The following DEAF1 variants were observed in gnomAD, a reference collection of about 807,000 sequenced individuals.
The protein encoded by DEAF1 is deformed epidermal autoregulatory factor 1 homolog.
A neutral mutation model predicts 58.9 loss-of-function variants in DEAF1; 53 were observed. That is an observed-to-expected ratio of 0.90 (90% CI 0.72 to 1.13). The LOEUF is 1.13. Among genes scored for constraint, DEAF1 ranks in the 50% most tolerant of loss-of-function variants. The probability of loss-of-function intolerance (pLI) is 0.00; values close to 1 mark genes in which losing one functional copy is unlikely to be tolerated. For synonymous variants in DEAF1, 385 were observed against 340.4 expected (o/e 1.13, Z -1.44); for missense variants, 685 against 791.4 (o/e 0.87, Z 1.61).
Position 644,738 on chromosome 11 carries a change from G to GC in DEAF1, c.1594-85_1594-84insG. 1 of 1,111,032 alleles carries GC rather than the reference G, an allele frequency of 9.0e-7. No individual in the cohort carries two copies. Among genetic ancestry groups the GC allele is most frequent in the Non-Finnish European group, 1.3e-6 (1 of 756,780 alleles). 68.8% of individuals were successfully genotyped at this position (1,111,032 alleles called of 1,614,324 possible). A position where few individuals can be genotyped will look rare whatever the true frequency, so the allele number is the denominator to read the frequency against. Reference sequence around the variant, plus strand: ...GGGTCCCCAAGGCAGACCCCAGAGGGTGCAGCCCTCTGTAACCTCACCTGG... The same window carrying GC: ...GGGTCCCCAAGGCAGACCCCAGAGGGCTGCAGCCCTCTGTAACCTCACCTGG... On this transcript the variant is annotated intron_variant, in intron 11 of 11. Coordinates refer to ENST00000382409, the MANE Select transcript of DEAF1 (RefSeq NM_021008.4). This position sits in a 1 kb window ranked among gnomAD's most constrained non-coding sequence, Gnocchi z 4.3.
In DEAF1 at chr11:688,084, G is replaced by C. The variant is rs1325275737; in HGVS notation, c.518-27C>G. On this transcript the variant is annotated intron_variant, in intron 3 of 11. Coordinates refer to ENST00000382409, the MANE Select transcript of DEAF1 (RefSeq NM_021008.4). The surrounding 1 kb of genome is among the most constrained non-coding windows in gnomAD (Gnocchi z 4.3). ...TTGGGCAGAGAAAGTGTTTGAAGGT[G>C]AGAGGCCGGACACCGGGAAGCATAG... 1 of 1,613,642 alleles carries C rather than the reference G, an allele frequency of 6.2e-7. No individual in the cohort carries two copies. Among genetic ancestry groups the C allele is most frequent in the Admixed American group, 1.7e-5 (1 of 60,008 alleles).
rs757878924 is a variant in DEAF1, at chr11:687,918, G to A, written c.657C>T (p.Leu219=). ...NISGTLYKNR[L]GSGGRGRCIK... is the part of the protein sequence containing the mutation. ...TGAAGTGGCAGTCCTCACCTGAGCC[G>A]AGCCTGTTCTTGTACAGAGTGCCGC... The change falls in exon 4 of 12, where the codon CTC becomes CTT. Residue 219 remains leucine (L), a synonymous_variant. Transcript: ENST00000382409. The A allele has an allele frequency of 5.0e-6, 8 of 1,614,082 alleles. No individual in the cohort carries two copies. The highest frequency in any genetic ancestry group is 1.1e-5 in the South Asian group (1 of 91,074).
intron 9 of DEAF1, 136 bp from the exon 10 acceptor site, chr11:674,919 C>T (rs966866156): frequency 2.9e-5 from 33 of 1,153,594 alleles, no homozygotes; most frequent in Non-Finnish European, 3.7e-5. Flanking sequence ...CCAAGGCAGG[C>T]GGATCATGAG....
chr11:674,517 C>T lies in DEAF1; in HGVS notation c.1503+19G>A. The T allele has an allele frequency of 1.2e-6, 2 of 1,613,674 alleles. No homozygotes were observed. Among genetic ancestry groups the T allele is most frequent in the South Asian group, 1.1e-5 (1 of 90,958 alleles). ...GTTACTCGGCACAGGTCGTGTCTTC[C>T]CATTTGTTCCAAGGTTACCTCCTTC... On this transcript the variant is annotated intron_variant, in intron 10 of 11. Transcript: ENST00000382409.
intron 9 of DEAF1, among the ~76,000 whole-genome samples, chr11:677,946 G>C (rs1445973394): frequency 7.1e-6 from 1 of 140,124 alleles, no homozygotes; most frequent in Admixed American, 7.2e-5. Flanking sequence ...CTGGGCGACA[G>C]AGTGACACTC....
In DEAF1 at chr11:688,521, G is replaced by A. The variant is rs1201182152; in HGVS notation, c.388-61C>T. 3 of 1,606,460 alleles carry A rather than the reference G, an allele frequency of 1.9e-6. No individual in the cohort carries two copies. The Admixed American group carries it at 5.0e-5, about 27-fold the overall frequency. ...AGAGTGACACCAGGCGTGTCACTGA[G>A]CCCAGCTGGGCCGTCCTCCAGCAGG... On this transcript the variant is annotated intron_variant, in intron 2 of 11. Transcript: ENST00000382409. This position sits in a 1 kb window ranked among gnomAD's most constrained non-coding sequence, Gnocchi z 4.3.
intron 11 of DEAF1, among the ~76,000 whole-genome samples, chr11:647,652 A>G (rs143254873): frequency 8.6e-4 from 131 of 152,342 alleles, no homozygotes; most frequent in African/African-American, 3.1e-3. Flanking sequence ...AGAGGGGGAC[A>G]AGCCAGGAGG....
chr11:705,051 CAG>C (rs113870776), intron 1 of DEAF1: 11 of 228,144 alleles, frequency 4.8e-5, no homozygotes, highest in South Asian at 1.1e-4. Context: ...TGCCTGGGCT[CAG>C]GGGCAGGCAC....
At chr11:675,955 GCCTGACATCCCCCGGCA>G (rs1860034770) in intron 9 of DEAF1, among the ~76,000 whole-genome samples, 1 of 48,868 alleles carries the variant, frequency 2.0e-5, no homozygotes, top group African/African-American at 9.3e-5. Flanking sequence ...CCAGCACGCA[GCCTGACATCCCCCGGCA>G]CCCGACATCC....
intron 6 of DEAF1, among the ~76,000 whole-genome samples, chr11:681,994 G>A (rs1384659212): frequency 6.6e-6 from 1 of 152,218 alleles, no homozygotes; most frequent in Non-Finnish European, 1.5e-5. Context: ...AGCAACAGTG[G>A]AAAGCAGTTC....
At chr11:704,468 C>T (rs1861632297) in intron 1 of DEAF1, 1 of 1,289,276 alleles carries the variant, frequency 7.8e-7, no homozygotes, top group Non-Finnish European at 1.0e-6. Context: ...CAGGACAGCC[C>T]TGAGGACCCA....
intron 11 of DEAF1, among the ~76,000 whole-genome samples, chr11:648,351 C>A (rs544266313): frequency 6.6e-6 from 1 of 152,184 alleles, no homozygotes; most frequent in African/African-American, 2.4e-5. Flanking sequence ...CCCACCACCA[C>A]GCCAAGCTAA....
upstream of DEAF1, among the ~76,000 whole-genome samples, chr11:696,460 G>C (rs1326891308): frequency 6.6e-6 from 1 of 152,188 alleles, no homozygotes; most frequent in African/African-American, 2.4e-5. Flanking sequence ...AACCAGGTTT[G>C]TTTTGTGTAT....
intron 10 of DEAF1, among the ~76,000 whole-genome samples, chr11:670,165 G>T (rs1859748139): frequency 6.6e-6 from 1 of 151,862 alleles, no homozygotes; most frequent in Non-Finnish European, 1.5e-5. Flanking sequence ...TGCAGGGATT[G>T]AAATGGTCTC....
At chr11:667,357 G>GAGGGAGGGAGGGAGGA (rs954059218) in intron 10 of DEAF1, among the ~76,000 whole-genome samples, 1 of 132,338 alleles carries the variant, frequency 7.6e-6, no homozygotes, top group Non-Finnish European at 1.6e-5. Flanking sequence ...GGGAGGGATG[G>GAGGGAGGGAGGGAGGA]AGGGAGGGAG....
chr11:674,459 C>T (rs1248865152), intron 10 of DEAF1, 77 bp downstream of exon 10: 16 of 1,605,932 alleles, frequency 1.0e-5, no homozygotes, highest in Admixed American at 8.4e-5. Flanking sequence ...GTGGGGCTTG[C>T]GCAGCTGGGC....
intron 8 of DEAF1, among the ~76,000 whole-genome samples, chr11:679,380 A>T (rs11246261): frequency 0.26 from 39,326 of 151,932 alleles, 5,762 homozygotes; most frequent in Non-Finnish European, 0.32. Context: ...ATTCTCCAGC[A>T]CACAACCAGC....
At chr11:664,128 C>T (rs1366496573) in intron 10 of DEAF1, among the ~76,000 whole-genome samples, 3 of 151,796 alleles carry the variant, frequency 2.0e-5, no homozygotes, top group South Asian at 2.1e-4. Context: ...CAGAAGAATC[C>T]CTTGAACCCA....
At chr11:700,247 A>C (rs7482162) in intron 1 of DEAF1, 1,090,339 of 1,609,358 alleles carry the variant, frequency 0.68, 371,599 homozygotes, top group East Asian at 0.93. Flanking sequence ...TAAGTCAGGG[A>C]CGGGCACAGT....
Sources: gnomAD v4.1 joint callset for allele counts (sites outside exome capture counted in the v4.1 genomes callset) on GRCh38, gnomAD v4.1.1 for gene constraint, Gnocchi (gnomAD v3.1) non-coding constraint, MANE v1.5 for transcripts, NCBI Gene and HGNC (gene_info 2026-07-23, HGNC 2026-07-21) for gene names.